FAM193B: variants seen among roughly 807,000 people sequenced by gnomAD.
The protein encoded by FAM193B is protein FAM193B.
A neutral mutation model predicts 70.7 loss-of-function variants in FAM193B; 27 were observed. The observed-to-expected ratio is 0.38, with a 90% CI of 0.28 to 0.53. The LOEUF is 0.53. FAM193B is among the 20% of genes least tolerant of loss of function. The probability of loss-of-function intolerance (pLI) is 0.81; values close to 1 mark genes in which losing one functional copy is unlikely to be tolerated. For synonymous variants in FAM193B, 448 were observed against 436.0 expected, an observed-to-expected ratio of 1.03 and a Z score of -0.34; for missense variants, 1,022 against 1,072.5, an observed-to-expected ratio of 0.95 and a Z score of 0.66.
intron 7 of FAM193B, among the ~76,000 whole-genome samples, 156 bp downstream of exon 7, chr5:177,523,801 G>A (rs1324747015): frequency 6.6e-6 from 1 of 152,258 alleles, no homozygotes; most frequent in African/African-American, 2.4e-5. Context: ...TCAGCAGGCA[G>A]GCTGGTGGGA....
rs1264367735 is a variant in FAM193B at position 177,524,523 on chromosome 5, G to A, written c.1958C>T (p.Pro653Leu). The A allele has an allele frequency of 6.2e-7, 1 of 1,612,576 alleles. No individual in the cohort carries two copies. Among genetic ancestry groups the A allele is most frequent in the East Asian group, 2.2e-5 (1 of 44,878 alleles). ...QAKKSEASPAPRPPASLEVPS... is the reference protein window; with the variant it reads ...QAKKSEASPALRPPASLEVPS... Reference sequence around the variant, plus strand: ...AACCTCTAGGCTGGCTGGGGGCCGGGGGGCTGGGCTTGCCTCGCTCTTCTT... The same window carrying A: ...AACCTCTAGGCTGGCTGGGGGCCGGAGGGCTGGGCTTGCCTCGCTCTTCTT... Residue 653 changes from proline to leucine, a missense_variant, in exon 6 of 9, where the codon CCC becomes CTC. Pro to Leu is a moderately conservative substitution (Grantham distance 98). Coordinates refer to ENST00000514747, the MANE Select transcript of FAM193B (RefSeq NM_001190946.3).
At chr5:177,534,064 T>C (rs1281336585) in intron 4 of FAM193B, among the ~76,000 whole-genome samples, 2 of 152,178 alleles carry the variant, frequency 1.3e-5, no homozygotes, top group Non-Finnish European at 2.9e-5. Context: ...GTCCCAACGC[T>C]GGGCTGAGGC....
Position 177,524,866 on chromosome 5 carries a change from A to G in FAM193B, c.1615T>C (p.Leu539=), listed in dbSNP as rs372298793. The G allele has an allele frequency of 6.2e-4, 940 of 1,509,710 alleles. No individual in the cohort carries two copies. The highest frequency in any genetic ancestry group is 8.0e-4 in the Non-Finnish European group (905 of 1,131,190). The allele number at this position is 1,509,710 out of a possible 1,614,324, so 93.5% of individuals were successfully genotyped here. ...DINLDLSPLT[L]GSPQNHTLQA... ...AACGTGTGGTTCTGAGGGGAGCCCA[A>G]AGTCAAAGGGGACAGGTCAAGGTTG... The change falls in exon 6 of 9, where the codon TTG becomes CTG. Residue 539 remains leucine, a synonymous_variant. Coordinates refer to ENST00000514747, the MANE Select transcript of FAM193B (RefSeq NM_001190946.3).
intron 5 of FAM193B, among the ~76,000 whole-genome samples, chr5:177,526,397 T>C (rs1278276597): frequency 6.6e-6 from 1 of 152,142 alleles, no homozygotes; most frequent in Non-Finnish European, 1.5e-5. Context: ...AGGGAGCAGC[T>C]TGGTCTGCAG....
At chr5:177,552,438 A>G (rs1766387838) in intron 1 of FAM193B, among the ~76,000 whole-genome samples, 1 of 152,232 alleles carries the variant, frequency 6.6e-6, no homozygotes, top group Non-Finnish European at 1.5e-5. Flanking sequence ...GAAATTGATG[A>G]AGCTTAGAGC....
chr5:177,529,638 TG>T (rs1763151822), intron 5 of FAM193B, among the ~76,000 whole-genome samples: 1 of 152,140 alleles, frequency 6.6e-6, no homozygotes, highest in Non-Finnish European at 1.5e-5. Flanking sequence ...AGGAAACAGC[TG>T]AACTGAACTT....
Position 177,526,130 on chromosome 5 carries a change from C to T in FAM193B, c.1276-925G>A, listed in dbSNP as rs138844371. 1.1e-4 allele frequency among the ~76,000 whole-genome samples: 17 copies of T among 152,284 alleles called. No individual in the cohort carries two copies. In the East Asian group the frequency reaches 1.4e-3, roughly 12 times the overall value. Reference sequence around the variant, plus strand: ...GAGAAACCAGGGCTTGCTACCACCTCGGAGTCAATGTACAGAGGGTGACCC... The same window carrying T: ...GAGAAACCAGGGCTTGCTACCACCTTGGAGTCAATGTACAGAGGGTGACCC... On this transcript the variant is annotated intron_variant, in intron 5 of 8. Coordinates refer to ENST00000514747, the MANE Select transcript of FAM193B (RefSeq NM_001190946.3).
chr5:177,536,750 G>A lies in FAM193B; in HGVS notation c.689-5C>T. 1 of 1,551,368 alleles carries A rather than the reference G, an allele frequency of 6.4e-7. No individual in the cohort carries two copies. Among genetic ancestry groups the A allele is most frequent in the Non-Finnish European group, 8.7e-7 (1 of 1,148,718 alleles). On this transcript the variant is annotated splice_polypyrimidine_tract_variant and splice_region_variant and intron_variant, in intron 3 of 8. Transcript: ENST00000514747. ...CCGAGACGGGGAAAGCCTCACCTGT[G>A]GGCAGAGGGAGGAGAAAGGGGTCAG...
chr5:177,541,388 T>C (rs1764831875), intron 1 of FAM193B, among the ~76,000 whole-genome samples: 1 of 152,196 alleles, frequency 6.6e-6, no homozygotes, highest in African/African-American at 2.4e-5. Flanking sequence ...GTACATACAA[T>C]TAAAATCTTG....
chr5:177,524,897 A>T lies in FAM193B; in HGVS notation c.1584T>A (p.Pro528=). 1 of 1,509,016 alleles carries T rather than the reference A, an allele frequency of 6.6e-7. No homozygotes were observed. Among genetic ancestry groups the T allele is most frequent in the South Asian group, 1.4e-5 (1 of 73,942 alleles). 93.5% of individuals were successfully genotyped at this position (1,509,016 alleles called of 1,614,324 possible). A position where few individuals can be genotyped will look rare whatever the true frequency, so the allele number is the denominator to read the frequency against. ...AAGGGGACAGGTCAAGGTTGATGTC[A>T]GGCTGCTGCTCTGAGGAGCCACTGA... ...SNLSGSSEQQ[P]DINLDLSPLT... The change falls in exon 6 of 9, where the codon CCT becomes CCA. Residue 528 remains proline, a synonymous_variant. Transcript: ENST00000514747.
At chr5:177,547,559 C>T (rs1409847200) in intron 1 of FAM193B, among the ~76,000 whole-genome samples, 6 of 151,986 alleles carry the variant, frequency 3.9e-5, no homozygotes, top group Non-Finnish European at 8.8e-5. Flanking sequence ...GCTGGGATTA[C>T]AGGCGTGAGC....
intron 5 of FAM193B, 42 bp from the exon 6 acceptor site, chr5:177,525,247 G>T: frequency 7.0e-7 from 1 of 1,426,400 alleles, no homozygotes; most frequent in Non-Finnish European, 9.2e-7. Flanking sequence ...GCTGTCAACT[G>T]CCAGGCACAA....
At chr5:177,531,863 C>A (rs1005111046) in intron 5 of FAM193B, 2 of 1,175,946 alleles carry the variant, frequency 1.7e-6, no homozygotes, top group Non-Finnish European at 1.1e-6. Context: ...GGATAATAAC[C>A]CCTAGCTCAA....
intron 1 of FAM193B, among the ~76,000 whole-genome samples, chr5:177,549,294 G>A (rs933648257): frequency 4.1e-5 from 6 of 145,828 alleles, no homozygotes; most frequent in Non-Finnish European, 8.9e-5. Context: ...CCAGGTTCAC[G>A]CCATTCTCCT....
intron 4 of FAM193B, among the ~76,000 whole-genome samples, chr5:177,534,714 G>A (rs1287795923): frequency 6.6e-6 from 1 of 152,136 alleles, no homozygotes; most frequent in African/African-American, 2.4e-5. Context: ...AGGCTCAAGC[G>A]ATCCTGTCCC....
In FAM193B at chr5:177,524,792, G is replaced by T; in HGVS notation, c.1689C>A (p.Pro563=). 6.6e-7 allele frequency: 1 copy of T among 1,515,038 alleles called. No homozygotes were observed. The highest frequency in any genetic ancestry group is 2.3e-5 in the East Asian group (1 of 43,752). The allele number at this position is 1,515,038 out of a possible 1,614,324, so 93.8% of individuals were successfully genotyped here. A position where few individuals can be genotyped will look rare whatever the true frequency, so the allele number is the denominator to read the frequency against. Residue 563 remains proline, a synonymous_variant, in exon 6 of 9, where the codon CCC becomes CCA. Transcript: ENST00000514747. The part of the protein sequence containing the change: ...PAPPWAEMRG[P]HPPWTEVRGP... ...CCCTCACCTCTGTCCATGGTGGGTG[G>T]GGGCCTCTCATTTCTGCCCATGGTG...
intron 1 of FAM193B, among the ~76,000 whole-genome samples, chr5:177,545,104 C>T (rs539142946): frequency 1.3e-5 from 2 of 152,278 alleles, no homozygotes; most frequent in East Asian, 1.9e-4. Context: ...AGTGCAGTGG[C>T]ATGATCTCAG....
chr5:177,524,552 C>T lies in FAM193B; in HGVS notation c.1929G>A (p.Gln643=). The change falls in exon 6 of 9, where the codon CAG becomes CAA. Residue 643 remains glutamine, a synonymous_variant. Transcript: ENST00000514747. Reference sequence around the variant, plus strand: ...CTGGGCTTGCCTCGCTCTTCTTGGCCTGACTGCCCTGCCTCTTGCCCTTCT... The same window carrying T: ...CTGGGCTTGCCTCGCTCTTCTTGGCTTGACTGCCCTGCCTCTTGCCCTTCT... The part of the protein sequence containing the change: ...KPQKGKRQGS[Q]AKKSEASPAP... The T allele has an allele frequency of 6.2e-7, 1 of 1,610,744 alleles. No homozygotes were observed. Among genetic ancestry groups the T allele is most frequent in the East Asian group, 2.2e-5 (1 of 44,880 alleles).
Position 177,538,980 on chromosome 5 carries a change from A to T in FAM193B, c.378T>A (p.Pro126=). 1 of 1,614,058 alleles carries T rather than the reference A, an allele frequency of 6.2e-7. No homozygotes were observed. The highest frequency in any genetic ancestry group is 8.5e-7 in the Non-Finnish European group (1 of 1,179,904). The change falls in exon 2 of 9, where the codon CCT becomes CCA. Residue 126 remains proline, a synonymous_variant. Transcript: ENST00000514747. This position sits in a 1 kb window ranked among gnomAD's most constrained non-coding sequence, Gnocchi z 4.1. ...TTCGGCAACTCTGGCAGACCCACAGAGGCATCTCGCCTAGGAGATTCTTGA... is the reference window on the plus strand; with the variant it reads ...TTCGGCAACTCTGGCAGACCCACAGTGGCATCTCGCCTAGGAGATTCTTGA... ...KLVKNLLGEM[P]LWVCQSCRKS...
Sources: allele counts gnomAD v4.1 joint callset (sites outside exome capture counted in the v4.1 genomes callset), GRCh38; gene constraint gnomAD v4.1.1; non-coding constraint Gnocchi (gnomAD v3.1); transcripts MANE v1.5; gene names NCBI Gene and HGNC (gene_info 2026-07-23, HGNC 2026-07-21).